SEC14L1: variants seen among roughly 807,000 people sequenced by gnomAD.
The protein encoded by SEC14L1 is SEC14 like lipid binding 1.
A neutral mutation model predicts 85.3 loss-of-function variants in SEC14L1; 48 were observed. That is an observed-to-expected ratio of 0.56 (90% CI 0.45 to 0.72). SEC14L1 has a LOEUF of 0.72. Among genes scored for constraint, SEC14L1 ranks in the 30% least tolerant of loss-of-function variants. The pLI is 0.00. For synonymous variants in SEC14L1, 391 were observed against 355.5 expected, an observed-to-expected ratio of 1.10 and a Z score of -1.12; for missense variants, 682 against 921.4, an observed-to-expected ratio of 0.74 and a Z score of 3.36.
chr17:77,190,771 C>T, intron 3 of SEC14L1, 32 bp from the exon 4 acceptor site: 1 of 1,612,026 alleles, frequency 6.2e-7, no homozygotes, highest in Non-Finnish European at 8.5e-7. Flanking sequence ...TGTCTTTGCT[C>T]ACTTCTGCTT....
chr17:77,136,383 CCTT>C (rs997041623), upstream of SEC14L1, among the ~76,000 whole-genome samples: 3 of 149,390 alleles, frequency 2.0e-5, no homozygotes, highest in Non-Finnish European at 4.4e-5. Context: ...TTTCCTTCCT[CCTT>C]CTTTCTTTTG....
upstream of SEC14L1, among the ~76,000 whole-genome samples, chr17:77,138,215 C>T (rs1448447928): frequency 6.6e-6 from 1 of 152,074 alleles, no homozygotes; most frequent in Non-Finnish European, 1.5e-5. Context: ...ATCTTAGGAG[C>T]AGTTTAGGGA....
chr17:77,104,135 T>G (rs1271509605), intron 3 of SEC14L1, among the ~76,000 whole-genome samples: 1 of 150,336 alleles, frequency 6.7e-6, no homozygotes, highest in Admixed American at 6.6e-5. Context: ...TTTTTTTTTT[T>G]TTTGAGACAG....
chr17:77,118,791 A>C lies in SEC14L1; in HGVS notation c.-135-23855A>C, dbSNP rs537717168. Among the ~76,000 whole-genome samples the C allele has an allele frequency of 1.1e-4, 17 of 152,290 alleles. No individual in the cohort carries two copies. In the East Asian group the frequency reaches 3.3e-3, roughly 29 times the overall value. ...CTGTCAATCACCATCGCCTCTTTAC[A>C]GCATTCCTCTCTGATTATGCAGGGA... is the stretch of plus-strand genomic sequence containing the variant. On this transcript the variant is annotated intron_variant, in intron 3 of 19. Transcript: ENST00000392476.
intron 3 of SEC14L1, among the ~76,000 whole-genome samples, chr17:77,158,590 T>C (rs1973909464): frequency 1.3e-5 from 2 of 151,994 alleles, no homozygotes. Context: ...TCATCCATGT[T>C]GTAGCATGTG....
intron 3 of SEC14L1, among the ~76,000 whole-genome samples, chr17:77,157,717 G>A (rs1352077891): frequency 2.0e-5 from 3 of 152,118 alleles, no homozygotes; most frequent in African/African-American, 7.2e-5. Flanking sequence ...TAGTAGAGAC[G>A]GGGTTTCACC....
At chr17:77,195,317 T>TG (rs897135708) in intron 7 of SEC14L1, among the ~76,000 whole-genome samples, 1 of 145,366 alleles carries the variant, frequency 6.9e-6, no homozygotes, top group Non-Finnish European at 1.5e-5. Context: ...TTTTTTTTTG[T>TG]TTGTTTGTTT....
intron 8 of SEC14L1, chr17:77,199,229 C>T (rs1567927738): frequency 1.3e-5 from 2 of 153,604 alleles, no homozygotes; most frequent in African/African-American, 4.8e-5. Flanking sequence ...GTCTTGAACT[C>T]CTGACCTCAA....
In SEC14L1 at chr17:77,215,069, G is replaced by A; in HGVS notation, c.*1046G>A. 4 of 985,222 alleles carry A rather than the reference G, an allele frequency of 4.1e-6. No homozygotes were observed. Among genetic ancestry groups the A allele is most frequent in the South Asian group, 4.7e-5 (1 of 21,312 alleles). 61.0% of individuals were successfully genotyped at this position (985,222 alleles called of 1,614,324 possible). Reference sequence around the variant, plus strand: ...GGGAATTGTGGACTCATGCGTGTGTGTGTGTGCATGTGCTGTGTGTGTGCA... The same window carrying A: ...GGGAATTGTGGACTCATGCGTGTGTATGTGTGCATGTGCTGTGTGTGTGCA... On this transcript the variant is annotated 3_prime_UTR_variant, in exon 17 of 17. Transcript: ENST00000436233.
At chr17:77,199,457 A>G (rs2839817) in intron 8 of SEC14L1, 11,043 of 161,556 alleles carry the variant, frequency 0.068, 479 homozygotes, top group East Asian at 0.27. Flanking sequence ...GATGTGGCCC[A>G]GTCTTGTGCT....
chr17:77,152,646 T>C (rs999532562), intron 3 of SEC14L1: 1 of 152,144 alleles, frequency 6.6e-6, no homozygotes, highest in Admixed American at 6.6e-5. Flanking sequence ...TAAACCTCAC[T>C]GACTATGATG....
At chr17:77,139,454 G>A (rs1972903270), upstream of SEC14L1, among the ~76,000 whole-genome samples, 3 of 151,586 alleles carry the variant, frequency 2.0e-5, no homozygotes, top group African/African-American at 7.3e-5. Context: ...TTACAGGCGT[G>A]AGCCACCGCA....
intron 10 of SEC14L1, 71 bp downstream of exon 10, chr17:77,203,729 G>A (rs1976305142): frequency 1.2e-5 from 13 of 1,127,498 alleles, no homozygotes; most frequent in South Asian, 1.1e-4. Context: ...TAGGATTGGG[G>A]TGTTAACCAG....
At chr17:77,181,260 A>C (rs1434004687) in intron 3 of SEC14L1, 1 of 152,376 alleles carries the variant, frequency 6.6e-6, no homozygotes, top group African/African-American at 2.4e-5. Context: ...CCCTCTGCAG[A>C]CATCACCACC....
intron 1 of SEC14L1, chr17:77,141,451 C>T (rs1385680017): frequency 6.6e-6 from 1 of 151,390 alleles, no homozygotes; most frequent in Non-Finnish European, 1.5e-5. Context: ...TCGGTCGGGG[C>T]TTTGGCCCCG....
In SEC14L1 at chr17:77,193,418, C is replaced by T. The variant is rs73363448; in HGVS notation, c.346-3C>T. The T allele has an allele frequency of 5.2e-5, 83 of 1,594,556 alleles. No homozygotes were observed. In the African/African-American group the frequency reaches 1.0e-3, roughly 20 times the overall value. On this transcript the variant is annotated splice_region_variant and splice_polypyrimidine_tract_variant and intron_variant, in intron 5 of 16. Transcript: ENST00000436233. ...AGTGAGAGTGCTTTCTCTTTATCTG[C>T]AGGTTCACCCTGAAAATGAAGATTG...
intron 14 of SEC14L1, chr17:77,209,773 C>T: frequency 3.7e-6 from 1 of 269,596 alleles, no homozygotes; most frequent in East Asian, 7.2e-5. Context: ...GCTAATCTTT[C>T]CTTGTTGGAG....
intron 3 of SEC14L1, among the ~76,000 whole-genome samples, chr17:77,147,979 T>C (rs1260339082): frequency 1.3e-5 from 2 of 152,184 alleles, no homozygotes; most frequent in Non-Finnish European, 2.9e-5. Flanking sequence ...GGGTTTAAGA[T>C]CTCACGGGAG....
intron 3 of SEC14L1, among the ~76,000 whole-genome samples, chr17:77,177,969 T>G (rs1175310024): frequency 6.6e-6 from 1 of 151,954 alleles, no homozygotes; most frequent in Non-Finnish European, 1.5e-5. Flanking sequence ...AGCTGTCAAA[T>G]TAGGTTTGGT....
Sources: allele counts gnomAD v4.1 joint callset (sites outside exome capture counted in the v4.1 genomes callset), GRCh38; gene constraint gnomAD v4.1.1; transcripts MANE v1.5; gene names NCBI Gene and HGNC (gene_info 2026-07-23, HGNC 2026-07-21).